SUPT3H: variants seen among roughly 807,000 people sequenced by gnomAD.
SUPT3H encodes transcription initiation protein SPT3 homolog.
A neutral mutation model predicts 44.3 loss-of-function variants in SUPT3H; 44 were observed. That is an observed-to-expected ratio of 0.99 (90% CI 0.78 to 1.28). The LOEUF (loss-of-function observed/expected upper bound fraction) is 1.28. SUPT3H is among the 50% of genes most tolerant of loss of function. The pLI, the probability that SUPT3H is intolerant of heterozygous loss-of-function variation, is 0.00. For synonymous variants in SUPT3H, 124 were observed against 125.6 expected, an observed-to-expected ratio of 0.99 and a Z score of 0.09; for missense variants, 380 against 387.1, an observed-to-expected ratio of 0.98 and a Z score of 0.15.
In SUPT3H at chr6:45,303,693, G is replaced by C. The variant is rs147732538; in HGVS notation, c.101+61508C>G. On this transcript the variant is annotated intron_variant, in intron 2 of 10. Transcript: ENST00000371459. ...AAGTAAAAAAAAAAAAAAAAAAAAAGAAACAAACAAAAAAAGCCAGGCCGG... is the reference window on the plus strand; with the variant it reads ...AAGTAAAAAAAAAAAAAAAAAAAAACAAACAAACAAAAAAAGCCAGGCCGG... Among the ~76,000 whole-genome samples the C allele has an allele frequency of 1.4e-3, 167 of 115,406 alleles. 2 individuals are homozygous for C. The highest frequency in any genetic ancestry group is 0.014 in the East Asian group (52 of 3,742). 75.7% of individuals were successfully genotyped at this position (115,406 alleles called of 152,430 possible).
At chr6:45,238,106 T>G (rs772208178) in intron 2 of SUPT3H, among the ~76,000 whole-genome samples, 1 of 152,210 alleles carries the variant, frequency 6.6e-6, no homozygotes, top group Non-Finnish European at 1.5e-5. Context: ...GCCAGACTTA[T>G]GTAGGGCAAG....
chr6:45,024,877 T>C (rs2153520476), intron 3 of SUPT3H, among the ~76,000 whole-genome samples: 1 of 152,264 alleles, frequency 6.6e-6, no homozygotes, highest in South Asian at 2.1e-4. Context: ...ATGCATAACC[T>C]GGGACACTGG....
intron 5 of SUPT3H, among the ~76,000 whole-genome samples, chr6:45,011,305 T>C (rs1020750430): frequency 6.6e-6 from 1 of 152,136 alleles, no homozygotes; most frequent in Non-Finnish European, 1.5e-5. Context: ...AATCTGTGAC[T>C]GAGCTTTTCT....
At chr6:45,257,941 T>C (rs113472484) in intron 2 of SUPT3H, among the ~76,000 whole-genome samples, 1,835 of 152,330 alleles carry the variant, frequency 0.012, 34 homozygotes, top group African/African-American at 0.042. Flanking sequence ...AAAAACATCA[T>C]TCTATTTACA....
Position 45,017,186 on chromosome 6 carries a change from G to A in SUPT3H, c.274-2295C>T, listed in dbSNP as rs567118562. ...TCATATCCTTTGCCCACTTTTTGATGGGGTTGTTTGTTTTTTTCTTGTAAA... is the reference window on the plus strand; with the variant it reads ...TCATATCCTTTGCCCACTTTTTGATAGGGTTGTTTGTTTTTTTCTTGTAAA... On this transcript the variant is annotated intron_variant, in intron 4 of 10. Coordinates refer to ENST00000371459, the MANE Select transcript of SUPT3H (RefSeq NM_003599.4). 8.6e-3 allele frequency among the ~76,000 whole-genome samples: 1,293 copies of A among 150,846 alleles called. 24 individuals carry two copies. The highest frequency in any genetic ancestry group is 0.03 in the African/African-American group (1,217 of 41,176).
At chr6:44,930,270 A>G (rs909036643) in intron 10 of SUPT3H, among the ~76,000 whole-genome samples, 1 of 151,912 alleles carries the variant, frequency 6.6e-6, no homozygotes, top group Non-Finnish European at 1.5e-5. Flanking sequence ...AGTCCCAGCT[A>G]CTCAGGAGGC....
intron 11 of SUPT3H, among the ~76,000 whole-genome samples, chr6:44,820,148 G>C (rs576215728): frequency 1.8e-4 from 27 of 152,294 alleles, no homozygotes; most frequent in African/African-American, 5.8e-4. Context: ...GAGCCCAGGA[G>C]GCAGGGGTTG....
chr6:45,299,954 T>C (rs937441737), intron 2 of SUPT3H, among the ~76,000 whole-genome samples: 1 of 151,974 alleles, frequency 6.6e-6, no homozygotes, highest in African/African-American at 2.4e-5. Context: ...TGTGAATATA[T>C]ATATATATGT....
intron 2 of SUPT3H, among the ~76,000 whole-genome samples, chr6:45,233,345 G>A (rs1392962007): frequency 6.6e-6 from 1 of 152,208 alleles, no homozygotes; most frequent in Non-Finnish European, 1.5e-5. Context: ...GCAGCTCCAT[G>A]ACAGCTATGT....
At chr6:45,024,190 T>TA (rs779040542) in intron 3 of SUPT3H, among the ~76,000 whole-genome samples, 15 of 152,194 alleles carry the variant, frequency 9.9e-5, no homozygotes, top group Non-Finnish European at 2.2e-4. Flanking sequence ...AAAACTCATG[T>TA]TTACATTTTA....
At chr6:45,183,921 G>A (rs1272410150) in intron 2 of SUPT3H, among the ~76,000 whole-genome samples, 1 of 152,134 alleles carries the variant, frequency 6.6e-6, no homozygotes, top group Non-Finnish European at 1.5e-5. Flanking sequence ...GGGTTGGTGG[G>A]GGATGAGGAA....
intron 2 of SUPT3H, among the ~76,000 whole-genome samples, chr6:45,324,716 C>T (rs1255244509): frequency 6.6e-6 from 1 of 151,850 alleles, no homozygotes; most frequent in Non-Finnish European, 1.5e-5. Context: ...TAGACAGCTG[C>T]TAAAACTAAT....
intron 3 of SUPT3H, among the ~76,000 whole-genome samples, chr6:45,082,377 T>C (rs1233363336): frequency 2.6e-5 from 4 of 152,072 alleles, no homozygotes; most frequent in African/African-American, 4.8e-5. Flanking sequence ...TCTCTGACAA[T>C]TGTAGACACA....
At chr6:45,157,704 AT>A (rs1446338128) in intron 2 of SUPT3H, among the ~76,000 whole-genome samples, 2 of 151,694 alleles carry the variant, frequency 1.3e-5, no homozygotes, top group Admixed American at 1.3e-4. Flanking sequence ...GCGCACCACC[AT>A]GCCCGGCTAA....
At chr6:45,161,650 C>T (rs1299297451) in intron 2 of SUPT3H, among the ~76,000 whole-genome samples, 1 of 152,066 alleles carries the variant, frequency 6.6e-6, no homozygotes, top group African/African-American at 2.4e-5. Context: ...TTTGACCCTC[C>T]CTCCATACCG....
intron 5 of SUPT3H, 144 bp from the exon 6 acceptor site, chr6:45,003,936 A>C (rs1782357838): frequency 1.1e-6 from 1 of 896,804 alleles, no homozygotes; most frequent in Non-Finnish European, 1.6e-6. Context: ...CTTGCATTCA[A>C]AATAAAAGTA....
chr6:45,003,587 G>A, intron 6 of SUPT3H, 66 bp downstream of exon 6: 1 of 1,545,280 alleles, frequency 6.5e-7, no homozygotes, highest in Non-Finnish European at 8.8e-7. Flanking sequence ...CATGAGAATA[G>A]GACCAAACAG....
chr6:44,971,841 C>T (rs554326804), intron 6 of SUPT3H, among the ~76,000 whole-genome samples: 1 of 152,166 alleles, frequency 6.6e-6, no homozygotes, highest in East Asian at 1.9e-4. Context: ...GGTGCAATCT[C>T]GGCTCACTGC....
chr6:44,812,590 G>A (rs1188494397), intron 11 of SUPT3H, among the ~76,000 whole-genome samples: 1 of 152,166 alleles, frequency 6.6e-6, no homozygotes, highest in Non-Finnish European at 1.5e-5. Context: ...ATATTCACAG[G>A]TTCTGAGATT....
Sources: allele counts gnomAD v4.1 joint callset (sites outside exome capture counted in the v4.1 genomes callset), GRCh38; gene constraint gnomAD v4.1.1; transcripts MANE v1.5; gene names NCBI Gene and HGNC (gene_info 2026-07-23, HGNC 2026-07-21).